UXS1: variants seen among roughly 807,000 people sequenced by gnomAD.
The protein encoded by UXS1 is UDP-glucuronic acid decarboxylase 1.
UXS1 carries 33 observed loss-of-function variants against 62.6 expected under a neutral mutation model. The observed-to-expected ratio is 0.53, with a 90% CI of 0.40 to 0.70. UXS1 has a LOEUF of 0.70. Among genes scored for constraint, UXS1 ranks in the 30% least tolerant of loss-of-function variants. UXS1 has a pLI of 0.00. For missense variants in UXS1, 434 were observed against 556.3 expected (o/e 0.78, Z 2.21); for synonymous variants, 213 against 206.8 (o/e 1.03, Z -0.26).
At chr2:106,190,278 G>C (rs1260496732) in intron 1 of UXS1, among the ~76,000 whole-genome samples, 1 of 152,178 alleles carries the variant, frequency 6.6e-6, no homozygotes, top group East Asian at 1.9e-4. Flanking sequence ...TGAGCTCCGT[G>C]AGATTATACC....
At chr2:106,099,274 G>A (rs995086446) in intron 12 of UXS1, among the ~76,000 whole-genome samples, 1 of 152,188 alleles carries the variant, frequency 6.6e-6, no homozygotes, top group African/African-American at 2.4e-5. Context: ...CAAACTCCAT[G>A]CATTTCATGA....
In UXS1 at chr2:106,166,102, A is replaced by G. The variant is rs1301187856; in HGVS notation, c.95-19T>C. The stretch of plus-strand genomic sequence containing the variant: ...CAAACAGCTGTAAGAGAAAGAAAAA[A>G]GGAAGTCAATGTTTAAGTCCACAAC... On this transcript the variant is annotated intron_variant, in intron 1 of 14. Coordinates refer to ENST00000283148, the MANE Select transcript of UXS1 (RefSeq NM_001253875.2). The G allele has an allele frequency of 1.9e-6, 3 of 1,609,136 alleles. No homozygotes were observed. Among genetic ancestry groups the G allele is most frequent in the Non-Finnish European group, 1.7e-6 (2 of 1,178,168 alleles).
chr2:106,109,674 T>C (rs542973572), intron 10 of UXS1, among the ~76,000 whole-genome samples: 54 of 152,298 alleles, frequency 3.5e-4, no homozygotes, highest in African/African-American at 1.3e-3. Context: ...TGAACATGAT[T>C]CCACTTAAAA....
chr2:106,148,325 AT>A (rs1009571616), intron 5 of UXS1, among the ~76,000 whole-genome samples: 4 of 152,160 alleles, frequency 2.6e-5, no homozygotes, highest in Admixed American at 2.6e-4. Context: ...ACGTTATTGC[AT>A]TTTTTCCAAG....
rs570770567 is a variant in UXS1 at position 106,162,551 on chromosome 2, A to G, written c.230+1116T>C. ...CCAATTTTTCTAAAAAGAAAAAAAA[A>G]GCTTCAATTAAGATCTCTCAATTCT... On this transcript the variant is annotated intron_variant, in intron 4 of 14. Transcript: ENST00000283148. Among the ~76,000 whole-genome samples the G allele has an allele frequency of 7.2e-5, 11 of 152,340 alleles. No individual in the cohort carries two copies. The East Asian group carries it at 1.9e-3, about 27-fold the overall frequency.
intron 5 of UXS1, among the ~76,000 whole-genome samples, chr2:106,152,572 GAAGGA>G (rs557964989): frequency 1.1e-3 from 161 of 149,216 alleles, no homozygotes; most frequent in African/African-American, 3.8e-3. Context: ...GGAAGGAAAG[GAAGGA>G]AAGGAAAGAA....
intron 13 of UXS1, chr2:106,097,282 A>G (rs1309065614): frequency 2.2e-6 from 1 of 445,396 alleles, no homozygotes; most frequent in Non-Finnish European, 4.6e-6. Context: ...GAGACCCAAG[A>G]TGTGCAGCCA....
intron 9 of UXS1, among the ~76,000 whole-genome samples, chr2:106,121,479 T>C (rs566403389): frequency 1.1e-4 from 17 of 152,358 alleles, no homozygotes; most frequent in African/African-American, 4.1e-4. Flanking sequence ...ATATCACTCC[T>C]GGAACACATT....
In UXS1 at chr2:106,112,784, G is replaced by A. The variant is rs71417382; in HGVS notation, c.760-19C>T. The A allele has an allele frequency of 6.2e-7, 1 of 1,610,910 alleles. No homozygotes were observed. Among genetic ancestry groups the A allele is most frequent in the East Asian group, 2.2e-5 (1 of 44,810 alleles). ...CGCCTTCCTGGAACAGAGAGAAGAGGAGGTCAGGTGTGCTCCCCTGTGTGG... is the reference window on the plus strand; with the variant it reads ...CGCCTTCCTGGAACAGAGAGAAGAGAAGGTCAGGTGTGCTCCCCTGTGTGG... On this transcript the variant is annotated intron_variant, in intron 9 of 14. Transcript: ENST00000283148.
intron 9 of UXS1, among the ~76,000 whole-genome samples, chr2:106,119,730 G>C (rs1573444962): frequency 6.6e-6 from 1 of 152,160 alleles, no homozygotes; most frequent in Non-Finnish European, 1.5e-5. Flanking sequence ...ACAGGTAGAG[G>C]GCAGACCCAA....
Position 106,138,730 on chromosome 2 carries a change from G to A in UXS1, c.472+6460C>T, listed in dbSNP as rs1034868932. ...AGGCTGAGGGCCGCCCCATCAGACT[G>A]TCGAGACGTTCAGTTAAGTAGCGGC... On this transcript the variant is annotated intron_variant, in intron 6 of 14. Transcript: ENST00000283148. 10 of 985,362 alleles carry A rather than the reference G, an allele frequency of 1.0e-5. No individual in the cohort carries two copies. The African/African-American group carries it at 1.7e-4, about 17-fold the overall frequency. The allele number at this position is 985,362 out of a possible 1,614,324, so 61.0% of individuals were successfully genotyped here.
Position 106,129,610 on chromosome 2 carries a change from T to G in UXS1, c.577+64A>C, listed in dbSNP as rs1252977345. The G allele has an allele frequency of 3.9e-6, 5 of 1,297,254 alleles. No individual in the cohort carries two copies. The African/African-American group carries it at 7.3e-5, about 19-fold the overall frequency. The allele number at this position is 1,297,254 out of a possible 1,614,324, so 80.4% of individuals were successfully genotyped here. ...AACTCTAGTAGAAGATTCAATGACC[T>G]ATGCTTGTAATCATCTAAAATATTC... is the stretch of plus-strand genomic sequence containing the variant. On this transcript the variant is annotated intron_variant, in intron 7 of 14. Coordinates refer to ENST00000283148, the MANE Select transcript of UXS1 (RefSeq NM_001253875.2).
intron 6 of UXS1, among the ~76,000 whole-genome samples, chr2:106,144,595 T>C (rs1188351663): frequency 1.3e-5 from 2 of 152,210 alleles, no homozygotes; most frequent in Admixed American, 1.3e-4. Context: ...CATGTTAAAT[T>C]CTAACCATAT....
intron 6 of UXS1, among the ~76,000 whole-genome samples, chr2:106,141,747 C>A (rs1385716175): frequency 6.6e-6 from 1 of 152,082 alleles, no homozygotes; most frequent in Admixed American, 6.6e-5. Flanking sequence ...CTGTGCCCGG[C>A]CATCTTTTCC....
At chr2:106,183,238 T>TC (rs1405933744) in intron 1 of UXS1, among the ~76,000 whole-genome samples, 9 of 18,062 alleles carry the variant, frequency 5.0e-4, no homozygotes, top group Non-Finnish European at 1.6e-3. Flanking sequence ...TCAAGTCTTT[T>TC]TTAAAAAAAA....
intron 7 of UXS1, 29 bp from the exon 8 acceptor site, chr2:106,125,708 G>A: frequency 6.5e-7 from 1 of 1,545,522 alleles, no homozygotes; most frequent in Non-Finnish European, 8.7e-7. Flanking sequence ...TGATAAAAGA[G>A]ACTGAATTTA....
chr2:106,176,260 C>A (rs1354864367), intron 1 of UXS1, among the ~76,000 whole-genome samples: 2 of 152,184 alleles, frequency 1.3e-5, no homozygotes, highest in African/African-American at 2.4e-5. Flanking sequence ...TCTGAAGAAC[C>A]CCAATCATCC....
At chr2:106,143,158 A>G (rs1681257152) in intron 6 of UXS1, among the ~76,000 whole-genome samples, 1 of 151,790 alleles carries the variant, frequency 6.6e-6, no homozygotes, top group Admixed American at 6.6e-5. Flanking sequence ...ATTAATAGGT[A>G]TCATTTGGGG....
rs1243488687 is a variant in UXS1 at position 106,093,615 on chromosome 2, G to A, written c.*411C>T. 1 of 156,482 alleles carries A rather than the reference G, an allele frequency of 6.4e-6. No homozygotes were observed. The highest frequency in any genetic ancestry group is 1.4e-5 in the Non-Finnish European group (1 of 70,860). 9.7% of individuals were successfully genotyped at this position (156,482 alleles called of 1,614,324 possible). On this transcript the variant is annotated 3_prime_UTR_variant, in exon 15 of 15. Transcript: ENST00000283148. Reference sequence around the variant, plus strand: ...CAATACTGCTAGGATTTTTCTTTATGCATAGTATAACGACTCATTTATTAA... The same window carrying A: ...CAATACTGCTAGGATTTTTCTTTATACATAGTATAACGACTCATTTATTAA...
Sources: allele counts gnomAD v4.1 joint callset (sites outside exome capture counted in the v4.1 genomes callset), GRCh38; gene constraint gnomAD v4.1.1; transcripts MANE v1.5; gene names NCBI Gene and HGNC (gene_info 2026-07-23, HGNC 2026-07-21).